The following MYO5B variants were observed in gnomAD, a reference collection of about 807,000 sequenced individuals.
MYO5B encodes the protein myosin VB.
Under a neutral mutation model 229.3 loss-of-function variants are expected in MYO5B, and 143 were observed. The observed-to-expected ratio is 0.62, with a 90% CI of 0.54 to 0.72. The LOEUF (loss-of-function observed/expected upper bound fraction) is 0.72, where lower values mean the gene tolerates loss of function less well. Ranked by LOEUF, MYO5B falls within the 30% of genes least tolerant of loss-of-function variation. The probability of loss-of-function intolerance (pLI) is 0.00; values close to 1 mark genes in which losing one functional copy is unlikely to be tolerated. For synonymous variants in MYO5B, 918 were observed against 885.2 expected, an observed-to-expected ratio of 1.04 and a Z score of -0.66; for missense variants, 2,321 against 2,331.0, an observed-to-expected ratio of 1.00 and a Z score of 0.09.
Position 49,837,704 on chromosome 18 carries a change from A to C in MYO5B, c.4951T>G (p.Ser1651Ala). Residue 1651 changes from serine (S) to alanine (A), a missense_variant, in exon 37 of 40, where the codon TCA becomes GCA. By Grantham distance (99) the Ser-to-Ala change is moderately conservative. Around this residue, in one of 2 missense-constraint regions of MYO5B, gnomAD observed 208 missense variants for 286.3 expected, o/e 0.73. Coordinates refer to ENST00000285039, the MANE Select transcript of MYO5B (RefSeq NM_001080467.3). ...RSSSMADGDN[S>A]YCLEAIIRQM... ...CGGATGATAGCTTCCAGGCAGTATG[A>C]GTTATCCCCATCTGCCATGCTGGAG... 1 of 1,614,174 alleles carries C rather than the reference A, an allele frequency of 6.2e-7. No homozygotes were observed. Among genetic ancestry groups the C allele is most frequent in the Non-Finnish European group, 8.5e-7 (1 of 1,180,024 alleles).
intron 1 of MYO5B, among the ~76,000 whole-genome samples, chr18:50,075,937 G>A (rs193116357): frequency 1.7e-3 from 256 of 152,304 alleles, no homozygotes; most frequent in African/African-American, 5.7e-3. Context: ...ATGCCACGCT[G>A]CAGAATGATC....
chr18:50,104,072 G>A (rs2031706318), intron 1 of MYO5B, among the ~76,000 whole-genome samples: 1 of 148,562 alleles, frequency 6.7e-6, no homozygotes, highest in Non-Finnish European at 1.5e-5. Context: ...GCTGAGGCAG[G>A]TGGATCTCTT....
rs115314819 is a variant in MYO5B at position 49,893,262 on chromosome 18, C to G, written c.3045+1679G>C. Among the ~76,000 whole-genome samples, 984 of 152,288 alleles carry G rather than the reference C, an allele frequency of 6.5e-3. 12 individuals carry two copies. Among genetic ancestry groups the G allele is most frequent in the African/African-American group, 0.021 (871 of 41,544 alleles). ...GGGTAAACAGACTTTGCAGATGTCT[C>G]ATCTGACTGGGACACACATGCAGGG... On this transcript the variant is annotated intron_variant, in intron 22 of 39. Coordinates refer to ENST00000285039, the MANE Select transcript of MYO5B (RefSeq NM_001080467.3).
At chr18:50,118,815 G>T (rs892496265) in intron 1 of MYO5B, among the ~76,000 whole-genome samples, 1 of 151,930 alleles carries the variant, frequency 6.6e-6, no homozygotes, top group Non-Finnish European at 1.5e-5. Flanking sequence ...TAGTAGAGAT[G>T]GGGTTTCGCC....
At chr18:50,035,795 T>C (rs1451716265) in intron 4 of MYO5B, among the ~76,000 whole-genome samples, 4 of 152,252 alleles carry the variant, frequency 2.6e-5, no homozygotes, top group African/African-American at 9.6e-5. Flanking sequence ...TCATTCTGTT[T>C]ATTAGATTTT....
chr18:49,944,409 G>T (rs2025348518), intron 14 of MYO5B, among the ~76,000 whole-genome samples: 1 of 152,214 alleles, frequency 6.6e-6, no homozygotes, highest in East Asian at 1.9e-4. Context: ...AGAGCCCACT[G>T]CACATGAAGC....
At chr18:49,895,763 G>A in intron 21 of MYO5B, among the ~76,000 whole-genome samples, 1 of 152,112 alleles carries the variant, frequency 6.6e-6, no homozygotes, top group Non-Finnish European at 1.5e-5. Context: ...GACCCACCCT[G>A]CCCAAACCAT....
chr18:50,129,526 C>G (rs1042730750), intron 1 of MYO5B, among the ~76,000 whole-genome samples: 10 of 152,322 alleles, frequency 6.6e-5, no homozygotes, highest in African/African-American at 2.4e-4. Context: ...GAGATGTGAT[C>G]ATAACAGCTG....
chr18:50,111,991 C>T (rs2144518281), intron 1 of MYO5B, among the ~76,000 whole-genome samples: 1 of 152,288 alleles, frequency 6.6e-6, no homozygotes, highest in East Asian at 1.9e-4. Context: ...TAATGGAGGT[C>T]ACATCCTAGT....
chr18:49,896,729 G>C (rs764078564), intron 21 of MYO5B, among the ~76,000 whole-genome samples: 1 of 152,096 alleles, frequency 6.6e-6, no homozygotes, highest in African/African-American at 2.4e-5. Flanking sequence ...ACTCTAATGC[G>C]AAGTATGATG....
intron 24 of MYO5B, 97 bp downstream of exon 24, chr18:49,878,848 C>T: frequency 7.2e-7 from 1 of 1,394,298 alleles, no homozygotes; most frequent in Non-Finnish European, 1.0e-6. Flanking sequence ...ATGGACTGAG[C>T]ATCACATATC....
intron 19 of MYO5B, among the ~76,000 whole-genome samples, chr18:49,905,573 T>C (rs1203335568): frequency 6.6e-6 from 1 of 152,226 alleles, no homozygotes; most frequent in Non-Finnish European, 1.5e-5. Context: ...ACTCAGCCCA[T>C]GTGTCACCTG....
At chr18:50,038,944 G>C (rs2029915872) in intron 3 of MYO5B, among the ~76,000 whole-genome samples, 1 of 152,180 alleles carries the variant, frequency 6.6e-6, no homozygotes, top group African/African-American at 2.4e-5. Flanking sequence ...GGAAATCACA[G>C]CTCTCAAGCA....
intron 1 of MYO5B, among the ~76,000 whole-genome samples, chr18:50,059,516 G>A (rs1053429225): frequency 1.3e-5 from 2 of 152,186 alleles, no homozygotes; most frequent in Non-Finnish European, 2.9e-5. Flanking sequence ...TTTTGTATAT[G>A]CAGATCTGAT....
At chr18:49,953,116 A>G in intron 14 of MYO5B, 144 bp downstream of exon 14, 1 of 738,684 alleles carries the variant, frequency 1.4e-6, no homozygotes, top group Non-Finnish European at 2.4e-6. Flanking sequence ...AACTGTTTTC[A>G]TACCGAAATG....
intron 1 of MYO5B, among the ~76,000 whole-genome samples, chr18:50,087,094 C>T (rs955856328): frequency 2.6e-4 from 39 of 152,172 alleles, no homozygotes; most frequent in Non-Finnish European, 4.9e-4. Flanking sequence ...CTCCTCAATA[C>T]CAGAACATGC....
chr18:50,060,876 A>C (rs573018641), intron 1 of MYO5B, among the ~76,000 whole-genome samples: 3 of 152,328 alleles, frequency 2.0e-5, no homozygotes, highest in East Asian at 3.9e-4. Context: ...GGAACCAGGT[A>C]GTGTTTTCTG....
At chr18:49,920,686 G>A (rs201318487) in intron 17 of MYO5B, among the ~76,000 whole-genome samples, 1 of 152,186 alleles carries the variant, frequency 6.6e-6, no homozygotes, top group African/African-American at 2.4e-5. Context: ...GAAGTGGCTT[G>A]TAGTTTACCC....
intron 10 of MYO5B, among the ~76,000 whole-genome samples, chr18:49,963,418 T>TAAC: frequency 6.9e-6 from 1 of 143,912 alleles, no homozygotes; most frequent in Non-Finnish European, 1.5e-5. Context: ...ATTAATTAAT[T>TAAC]TATTTATTTA....
Sources: gnomAD v4.1 joint callset for allele counts (sites outside exome capture counted in the v4.1 genomes callset) on GRCh38, gnomAD v4.1.1 for gene constraint, gnomAD v4.1.1 regional missense constraint, MANE v1.5 for transcripts, NCBI Gene and HGNC (gene_info 2026-07-23, HGNC 2026-07-21) for gene names.